GSR: variants seen among roughly 807,000 people sequenced by gnomAD.
GSR encodes the protein glutathione reductase, mitochondrial.
In GSR, 48 loss-of-function variants were observed where a neutral mutation model predicts 56.5. That is an observed-to-expected ratio of 0.85 (90% CI 0.67 to 1.08). The LOEUF (loss-of-function observed/expected upper bound fraction) is 1.08. GSR is among the 50% of genes least tolerant of loss of function. The pLI is 0.00. For missense variants in GSR, 694 were observed against 703.3 expected (o/e 0.99, Z 0.15); for synonymous variants, 264 against 270.8 (o/e 0.97, Z 0.25).
intron 4 of GSR, among the ~76,000 whole-genome samples, chr8:30,703,946 A>C (rs949805082): frequency 5.9e-5 from 9 of 152,128 alleles, no homozygotes; most frequent in African/African-American, 1.9e-4. Flanking sequence ...AGTATATGCA[A>C]GGCACCCCCG....
intron 7 of GSR, among the ~76,000 whole-genome samples, chr8:30,695,631 G>A (rs931893628): frequency 6.6e-6 from 1 of 152,132 alleles, no homozygotes; most frequent in Non-Finnish European, 1.5e-5. Context: ...TGTGGCTCAG[G>A]GAAGCCAAAA....
chr8:30,681,079 C>A (rs770561940), intron 11 of GSR, 42 bp from the exon 12 acceptor site: 2 of 1,515,230 alleles, frequency 1.3e-6, no homozygotes, highest in South Asian at 2.2e-5. Flanking sequence ...GAAAACTAAA[C>A]AATTACACTG....
rs1373814756 is a variant in GSR, at chr8:30,727,530, G to GC, written c.305dup (p.Cys102TrpfsTer20). 7 of 1,537,010 alleles carry GC rather than the reference G, an allele frequency of 4.6e-6. No individual in the cohort carries two copies. Among genetic ancestry groups the GC allele is most frequent in the Non-Finnish European group, 1.7e-6 (2 of 1,144,878 alleles). On this transcript the variant is annotated frameshift_variant and splice_region_variant, in exon 1 of 13. Coordinates refer to ENST00000221130, the MANE Select transcript of GSR (RefSeq NM_000637.5). LOFTEE classifies it high-confidence loss of function. ...GCCCGAACAAACCGGCGGTACTCAC[G>GC]CAAGTGCCACCCAGCTTGTGGCTCT...
intron 8 of GSR, 47 bp downstream of exon 8, chr8:30,692,922 G>A (rs768908398): frequency 7.0e-6 from 8 of 1,139,746 alleles, no homozygotes; most frequent in Non-Finnish European, 1.1e-5. Context: ...CAAGCAGAAA[G>A]TGTGATTGAC....
chr8:30,684,277 T>C (rs530071530), intron 9 of GSR, 78 bp from the exon 10 acceptor site: 273 of 834,226 alleles, frequency 3.3e-4, no homozygotes, highest in Admixed American at 5.6e-4. Flanking sequence ...GGATCTCCCT[T>C]CCTCATTTCA....
chr8:30,704,403 G>C (rs1182628246), intron 4 of GSR, among the ~76,000 whole-genome samples: 1 of 152,184 alleles, frequency 6.6e-6, no homozygotes, highest in Non-Finnish European at 1.5e-5. Flanking sequence ...ACAGAGGCAA[G>C]AGCAAGAGAG....
At chr8:30,723,672 G>A (rs899777512) in intron 1 of GSR, among the ~76,000 whole-genome samples, 2 of 151,846 alleles carry the variant, frequency 1.3e-5, no homozygotes, top group East Asian at 1.9e-4. Context: ...TGCGCCTGTA[G>A]TCCCAGCTAC....
At chr8:30,689,110 T>C in intron 9 of GSR, 51 bp downstream of exon 9, 1 of 1,563,030 alleles carries the variant, frequency 6.4e-7, no homozygotes, top group Non-Finnish European at 8.8e-7. Flanking sequence ...AATAAAACCA[T>C]AAGACTCCTA....
chr8:30,712,359 G>A lies in GSR; in HGVS notation c.307-271C>T, dbSNP rs550948693. Among the ~76,000 whole-genome samples, 10 of 152,238 alleles carry A rather than the reference G, an allele frequency of 6.6e-5. 1 individual carries two copies. Among genetic ancestry groups the A allele is most frequent in the Admixed American group, 3.9e-4 (6 of 15,274 alleles). On this transcript the variant is annotated intron_variant, in intron 1 of 12. Transcript: ENST00000221130. ...GAGCTGCTGTCTAAGAGGACTTCTC[G>A]GGAAAGTACTGCAGAATACATGGAT... is the stretch of plus-strand genomic sequence containing the variant.
At chr8:30,692,108 G>GAA (rs372829819) in intron 8 of GSR, among the ~76,000 whole-genome samples, 1 of 96,160 alleles carries the variant, frequency 1.0e-5, no homozygotes, top group Non-Finnish European at 2.1e-5. Context: ...GTCTCAAAAA[G>GAA]AAAAAAAAAA....
chr8:30,721,075 G>A (rs548741648), intron 1 of GSR, among the ~76,000 whole-genome samples: 3 of 152,222 alleles, frequency 2.0e-5, no homozygotes, highest in South Asian at 2.1e-4. Flanking sequence ...CAGCCTGGGC[G>A]ACAGAGTGAG....
At chr8:30,717,781 A>AT (rs1804385933) in intron 1 of GSR, among the ~76,000 whole-genome samples, 1 of 152,280 alleles carries the variant, frequency 6.6e-6, no homozygotes, top group Admixed American at 6.5e-5. Flanking sequence ...TTACAACATA[A>AT]TAATAATAGA....
intron 8 of GSR, among the ~76,000 whole-genome samples, chr8:30,691,085 C>G (rs1040102090): frequency 6.6e-6 from 1 of 152,044 alleles, no homozygotes; most frequent in Non-Finnish European, 1.5e-5. Context: ...AAGATAGAGG[C>G]CAGGCATGGT....
intron 8 of GSR, 152 bp from the exon 9 acceptor site, chr8:30,689,471 A>C: frequency 1.4e-6 from 1 of 732,684 alleles, no homozygotes; most frequent in Non-Finnish European, 2.4e-6. Flanking sequence ...CTTTTACCCA[A>C]AGGCCACCAA....
At chr8:30,689,064 A>G (rs1554570483) in intron 9 of GSR, 97 bp downstream of exon 9, 3 of 989,334 alleles carry the variant, frequency 3.0e-6, no homozygotes, top group East Asian at 2.5e-5. Context: ...AAAGAATCCA[A>G]TGGAATCCAC....
chr8:30,718,011 G>A (rs1228701690), intron 1 of GSR, among the ~76,000 whole-genome samples: 1 of 151,930 alleles, frequency 6.6e-6, no homozygotes, highest in Non-Finnish European at 1.5e-5. Context: ...TGAGGCAGGA[G>A]AATCGCTTGA....
intron 8 of GSR, among the ~76,000 whole-genome samples, chr8:30,691,194 C>G (rs1213498199): frequency 6.6e-6 from 1 of 151,854 alleles, no homozygotes; most frequent in African/African-American, 2.4e-5. Context: ...TGAAACCCAT[C>G]TGTACTAAAA....
intron 1 of GSR, among the ~76,000 whole-genome samples, chr8:30,712,434 C>G (rs1804183950): frequency 6.6e-6 from 1 of 152,116 alleles, no homozygotes; most frequent in African/African-American, 2.4e-5. Context: ...GTAATTCCAG[C>G]ACTTTGGGAG....
intron 8 of GSR, among the ~76,000 whole-genome samples, chr8:30,691,970 A>G (rs1331336956): frequency 1.3e-5 from 2 of 151,486 alleles, no homozygotes; most frequent in Admixed American, 1.3e-4. Context: ...GCGTGGTGGC[A>G]TGTGCCTGTA....
Sources: allele counts gnomAD v4.1 joint callset (sites outside exome capture counted in the v4.1 genomes callset), GRCh38; gene constraint gnomAD v4.1.1; transcripts MANE v1.5; gene names NCBI Gene and HGNC (gene_info 2026-07-23, HGNC 2026-07-21).